The following SLC14A2 variants were observed in gnomAD, a reference collection of about 807,000 sequenced individuals.
The protein encoded by SLC14A2 is urea transporter 2.
In SLC14A2, 91 loss-of-function variants were observed where a neutral mutation model predicts 104.6. The observed-to-expected ratio is 0.87, with a 90% CI of 0.73 to 1.04. SLC14A2 has a LOEUF of 1.04. Among genes scored for constraint, SLC14A2 ranks in the 50% least tolerant of loss-of-function variants. The pLI is 0.00. For missense variants in SLC14A2, 1,189 were observed against 1,156.0 expected, an observed-to-expected ratio of 1.03 and a Z score of -0.41; for synonymous variants, 476 against 466.4, an observed-to-expected ratio of 1.02 and a Z score of -0.27.
chr18:45,255,213 T>A (rs1205229966), intron 1 of SLC14A2, among the ~76,000 whole-genome samples: 1 of 152,150 alleles, frequency 6.6e-6, no homozygotes, highest in East Asian at 1.9e-4. Flanking sequence ...TTTCTCCCTC[T>A]CCCAGGGGCT....
At chr18:45,414,754 AAAAATATATATATATATAT>A (rs1391805547) in intron 1 of SLC14A2, among the ~76,000 whole-genome samples, 2 of 76,064 alleles carry the variant, frequency 2.6e-5, no homozygotes, top group Admixed American at 1.4e-4. Flanking sequence ...TAAAAAAAAA[AAAAATATATATATATATAT>A]ATATATATAT....
intron 2 of SLC14A2, among the ~76,000 whole-genome samples, chr18:45,535,935 T>C (rs1165368002): frequency 6.6e-6 from 1 of 152,170 alleles, no homozygotes; most frequent in Non-Finnish European, 1.5e-5. Flanking sequence ...AGGAACAACA[T>C]GGCAATGAAT....
intron 10 of SLC14A2, among the ~76,000 whole-genome samples, chr18:45,660,966 G>A (rs1012365283): frequency 5.9e-5 from 9 of 152,146 alleles, no homozygotes; most frequent in African/African-American, 1.2e-4. Context: ...CTGCCACATC[G>A]TGAGGAGCTG....
chr18:45,582,823 C>A (rs1268994172), intron 2 of SLC14A2, among the ~76,000 whole-genome samples: 4 of 152,120 alleles, frequency 2.6e-5, no homozygotes. Context: ...CTGGGAATTT[C>A]AAAGTTACCC....
At chr18:45,421,696 C>T (rs2086351560) in intron 1 of SLC14A2, among the ~76,000 whole-genome samples, 1 of 152,094 alleles carries the variant, frequency 6.6e-6, no homozygotes, top group South Asian at 2.1e-4. Context: ...TGACCAATCA[C>T]AGACTACCAG....
intron 1 of SLC14A2, among the ~76,000 whole-genome samples, chr18:45,379,475 C>T (rs149567260): frequency 9.2e-5 from 14 of 152,188 alleles, no homozygotes; most frequent in Admixed American, 8.5e-4. Flanking sequence ...ATTCCCTTAA[C>T]CATTCCTCCT....
At chr18:45,462,862 A>G (rs1466084963) in intron 1 of SLC14A2, among the ~76,000 whole-genome samples, 1 of 152,230 alleles carries the variant, frequency 6.6e-6, no homozygotes, top group East Asian at 1.9e-4. Flanking sequence ...GTAAAATAGA[A>G]GTGAGGCACT....
At chr18:45,233,535 C>T (rs975896165) in intron 1 of SLC14A2, among the ~76,000 whole-genome samples, 4 of 152,180 alleles carry the variant, frequency 2.6e-5, no homozygotes, top group Admixed American at 1.3e-4. Context: ...CTCCCTCCTG[C>T]GTATCACGAA....
chr18:45,425,020 T>C lies in SLC14A2; in HGVS notation c.-124-58213T>C, dbSNP rs552398001. The stretch of plus-strand genomic sequence containing the variant: ...TCAGCAAACCCTCTTAGAGCACCCA[T>C]GTTTCACCAAGCACATCCCAGACAT... On this transcript the variant is annotated intron_variant, in intron 1 of 20. Coordinates refer to the SLC14A2 transcript ENST00000586448. Among the ~76,000 whole-genome samples, 6 of 152,338 alleles carry C rather than the reference T, an allele frequency of 3.9e-5. No individual in the cohort carries two copies. In the East Asian group the frequency reaches 1.2e-3, roughly 29 times the overall value.
chr18:45,517,020 T>C (rs1318709681), intron 2 of SLC14A2, among the ~76,000 whole-genome samples: 1 of 152,210 alleles, frequency 6.6e-6, no homozygotes, highest in Non-Finnish European at 1.5e-5. Context: ...AGGCTCTCAC[T>C]GTGTGCTGTC....
At position 45,437,734 on chromosome 18, in the gene SLC14A2, G is replaced by A. The variant is rs540545446; in HGVS notation, c.-124-45499G>A. On this transcript the variant is annotated intron_variant, in intron 1 of 20. Transcript: ENST00000586448. ...GTGTTGAGTGCTCACTATGTCGGAC[G>A]CTGTGCTAAGCACATCCTCGATGTC... is the stretch of plus-strand genomic sequence containing the variant. 3.3e-5 allele frequency among the ~76,000 whole-genome samples: 5 copies of A among 152,296 alleles called. No homozygotes were observed. The East Asian group carries it at 9.6e-4, about 29-fold the overall frequency.
At chr18:45,556,788 C>T (rs879501103) in intron 2 of SLC14A2, among the ~76,000 whole-genome samples, 6 of 152,140 alleles carry the variant, frequency 3.9e-5, no homozygotes, top group Non-Finnish European at 8.8e-5. Flanking sequence ...CTGTGCCTGC[C>T]AAAAATGATG....
At chr18:45,497,139 T>A (rs2043111292) in intron 2 of SLC14A2, among the ~76,000 whole-genome samples, 1 of 152,060 alleles carries the variant, frequency 6.6e-6, no homozygotes, top group Admixed American at 6.5e-5. Context: ...TGTATATGTG[T>A]ATATATACAC....
intron 1 of SLC14A2, among the ~76,000 whole-genome samples, chr18:45,248,119 C>T (rs1172396716): frequency 5.9e-5 from 9 of 152,014 alleles, no homozygotes; most frequent in Non-Finnish European, 1.0e-4. Flanking sequence ...TAGATTTGTG[C>T]AGTAAATGCT....
chr18:45,645,622 T>TATATATATATATATATAC (rs370081713), intron 10 of SLC14A2, among the ~76,000 whole-genome samples: 2 of 134,862 alleles, frequency 1.5e-5, no homozygotes, highest in Admixed American at 1.5e-4. Flanking sequence ...AATATATATA[T>TATATATATATATATATAC]ACATATACAA....
intron 1 of SLC14A2, among the ~76,000 whole-genome samples, chr18:45,325,579 T>G (rs1271754326): frequency 1.3e-5 from 2 of 152,216 alleles, no homozygotes; most frequent in Non-Finnish European, 2.9e-5. Flanking sequence ...ATGCACAGAA[T>G]TATGGGAGTC....
chr18:45,591,147 A>C (rs760444089), intron 2 of SLC14A2, among the ~76,000 whole-genome samples: 41 of 152,098 alleles, frequency 2.7e-4, no homozygotes, highest in Non-Finnish European at 4.6e-4. Flanking sequence ...TTTTATTTAA[A>C]GTTTTCCTAC....
intron 19 of SLC14A2, among the ~76,000 whole-genome samples, chr18:45,680,037 A>G (rs557503494): frequency 3.9e-5 from 6 of 152,258 alleles, no homozygotes; most frequent in African/African-American, 1.4e-4. Flanking sequence ...GCAATACTGG[A>G]TGAATGAAGC....
At chr18:45,327,926 C>T in intron 1 of SLC14A2, among the ~76,000 whole-genome samples, 1 of 152,092 alleles carries the variant, frequency 6.6e-6, no homozygotes, top group African/African-American at 2.4e-5. Flanking sequence ...ATGGTGCCTA[C>T]TTTTCTCTGA....
Sources: allele counts gnomAD v4.1 joint callset (sites outside exome capture counted in the v4.1 genomes callset), GRCh38; gene constraint gnomAD v4.1.1; transcripts MANE v1.5; gene names NCBI Gene and HGNC (gene_info 2026-07-23, HGNC 2026-07-21).